MLIP: variants seen among roughly 807,000 people sequenced by gnomAD.
The protein encoded by MLIP is muscular LMNA-interacting protein.
A neutral mutation model predicts 84.8 loss-of-function variants in MLIP; 79 were observed. The ratio of observed to expected loss-of-function variants is 0.93; its 90% CI spans 0.78 to 1.12. The LOEUF is 1.12. Among genes scored for constraint, MLIP ranks in the 50% most tolerant of loss-of-function variants. MLIP has a pLI of 0.00. For missense variants in MLIP, 1,257 were observed against 1,160.6 expected (o/e 1.08, Z -1.21); for synonymous variants, 504 against 463.0 (o/e 1.09, Z -1.14).
chr6:54,214,626 T>A (rs1276757575), intron 11 of MLIP, among the ~76,000 whole-genome samples: 2 of 152,198 alleles, frequency 1.3e-5, no homozygotes, highest in Non-Finnish European at 2.9e-5. Context: ...GAAACCCAGT[T>A]TTTTCTCTGT....
intron 10 of MLIP, among the ~76,000 whole-genome samples, chr6:54,198,302 C>T (rs1361774991): frequency 6.6e-6 from 1 of 152,094 alleles, no homozygotes; most frequent in Non-Finnish European, 1.5e-5. Flanking sequence ...TGCTAGCAGA[C>T]AATGTCTTAA....
At position 54,124,863 on chromosome 6, in the gene MLIP, C is replaced by A. The variant is rs1268119201; in HGVS notation, c.643C>A (p.Gln215Lys). 1.3e-6 allele frequency: 2 copies of A among 1,574,138 alleles called. No homozygotes were observed. Among genetic ancestry groups the A allele is most frequent in the South Asian group, 2.4e-5 (2 of 84,232 alleles). ...HGMAPQQKHG[Q>K]LTSSPTTSEQ... is the part of the protein sequence containing the mutation. ...GATGGCCCCTCAGCAAAAGCATGGG[C>A]AGGTAGGTTTTGTGTTCCTGCTGTC... is the stretch of plus-strand genomic sequence containing the variant. The change falls in exon 3 of 14, where the codon CAG becomes AAG. Residue 215 changes from glutamine to lysine, a missense_variant and splice_region_variant. Coordinates refer to ENST00000502396, the MANE Select transcript of MLIP (RefSeq NM_001281747.2).
rs577781668 is a variant in MLIP, at chr6:54,048,302, GA to G, written c.63+29212del. Among the ~76,000 whole-genome samples the G allele has an allele frequency of 1.7e-3, 263 of 152,340 alleles. 1 individual carries two copies. Among genetic ancestry groups the G allele is most frequent in the African/African-American group, 5.7e-3 (235 of 41,586 alleles). On this transcript the variant is annotated intron_variant, in intron 1 of 12. Coordinates refer to the MLIP transcript ENST00000274897. ...GGATAGAGAAAGGAATGAGTCTCAT[GA>G]GGAGTAAGATGCTGAAATCATTATG...
intron 8 of MLIP, among the ~76,000 whole-genome samples, chr6:54,164,756 T>C (rs1775006983): frequency 6.6e-6 from 1 of 151,956 alleles, no homozygotes; most frequent in Non-Finnish European, 1.5e-5. Context: ...AGAAGGCATT[T>C]GAAATTCATC....
At chr6:54,231,348 G>T (rs1294855904) in intron 12 of MLIP, among the ~76,000 whole-genome samples, 1 of 152,110 alleles carries the variant, frequency 6.6e-6, no homozygotes, top group Non-Finnish European at 1.5e-5. Flanking sequence ...TAGAATTACT[G>T]TGGGTATCTG....
At chr6:54,253,508 A>G (rs1455221692) in intron 12 of MLIP, among the ~76,000 whole-genome samples, 1 of 152,202 alleles carries the variant, frequency 6.6e-6, no homozygotes, top group Non-Finnish European at 1.5e-5. Context: ...ACTCAAAAAG[A>G]GAGAACTGTT....
chr6:54,098,503 G>A (rs1768395587), intron 1 of MLIP, among the ~76,000 whole-genome samples: 1 of 151,718 alleles, frequency 6.6e-6, no homozygotes, highest in South Asian at 2.1e-4. Flanking sequence ...AAGCAGGGAG[G>A]TCACTGGAAA....
intron 1 of MLIP, chr6:54,045,373 T>C (rs988718189): frequency 2.6e-5 from 4 of 151,722 alleles, no homozygotes; most frequent in Admixed American, 2.0e-4. Context: ...TCATGAGGAA[T>C]GGTGATGCAC....
At chr6:54,123,597 T>G (rs905782097) in intron 2 of MLIP, among the ~76,000 whole-genome samples, 1 of 152,220 alleles carries the variant, frequency 6.6e-6, no homozygotes, top group South Asian at 2.1e-4. Context: ...ACACATTAAA[T>G]TGACCACCAG....
intron 1 of MLIP, among the ~76,000 whole-genome samples, chr6:54,089,473 C>T (rs554502451): frequency 3.0e-4 from 46 of 152,142 alleles, no homozygotes; most frequent in African/African-American, 6.0e-4. Context: ...ATATACATTT[C>T]GATTTTGAGC....
chr6:54,072,988 G>C lies in MLIP; in HGVS notation c.64-48459G>C, dbSNP rs181175897. ...AAGCAGTAGATTTGAAATTTCTGTA[G>C]ACTTTTGCCACCCCCTTCCCTCAAC... On this transcript the variant is annotated intron_variant, in intron 1 of 12. Transcript: ENST00000274897. Among the ~76,000 whole-genome samples the C allele has an allele frequency of 2.6e-3, 398 of 152,236 alleles. 2 individuals are homozygous for C. The highest frequency in any genetic ancestry group is 3.5e-3 in the Non-Finnish European group (239 of 68,010).
chr6:54,163,969 T>TC (rs1774918532), intron 8 of MLIP, among the ~76,000 whole-genome samples: 1 of 151,914 alleles, frequency 6.6e-6, no homozygotes, highest in Non-Finnish European at 1.5e-5. Flanking sequence ...TTCAACATTT[T>TC]CCCCCAGGCT....
At chr6:54,256,098 C>T (rs1487781309) in intron 12 of MLIP, among the ~76,000 whole-genome samples, 1 of 152,118 alleles carries the variant, frequency 6.6e-6, no homozygotes. Flanking sequence ...CTATTTAAAG[C>T]AATGGTCTCA....
chr6:54,225,441 CGTT>C (rs1484129200), intron 11 of MLIP, among the ~76,000 whole-genome samples: 1 of 152,090 alleles, frequency 6.6e-6, no homozygotes, highest in African/African-American at 2.4e-5. Context: ...ATATGCAGTT[CGTT>C]GTTGGCTGAA....
At chr6:54,171,052 T>A (rs1448487898) in intron 9 of MLIP, among the ~76,000 whole-genome samples, 1 of 151,590 alleles carries the variant, frequency 6.6e-6, no homozygotes, top group Non-Finnish European at 1.5e-5. Flanking sequence ...AAAATGTCTC[T>A]AATTAGATTA....
chr6:54,054,430 CAAAA>C (rs60998933), intron 1 of MLIP, among the ~76,000 whole-genome samples: 3 of 131,288 alleles, frequency 2.3e-5, no homozygotes, highest in Non-Finnish European at 3.2e-5. Flanking sequence ...GAAAAAAAGG[CAAAA>C]AAAAAAAAAA....
rs759507492 is a variant in MLIP, at chr6:54,169,580, C to A, written c.2544+8C>A. 1.9e-6 allele frequency: 3 copies of A among 1,578,846 alleles called. No homozygotes were observed. Among genetic ancestry groups the A allele is most frequent in the African/African-American group, 2.7e-5 (2 of 73,420 alleles). On this transcript the variant is annotated splice_region_variant and intron_variant, in intron 9 of 13. Coordinates refer to ENST00000502396, the MANE Select transcript of MLIP (RefSeq NM_001281747.2). Reference sequence around the variant, plus strand: ...GGTCGAGAAACCAAATATGTAAGTACCTTTATAATTATACACACTGCTTTT... The same window carrying A: ...GGTCGAGAAACCAAATATGTAAGTAACTTTATAATTATACACACTGCTTTT...
chr6:54,164,072 G>A (rs1774930327), intron 8 of MLIP, among the ~76,000 whole-genome samples: 1 of 151,864 alleles, frequency 6.6e-6, no homozygotes, highest in Non-Finnish European at 1.5e-5. Context: ...TTGCTCTATA[G>A]TTTTTAAAAC....
intron 11 of MLIP, among the ~76,000 whole-genome samples, chr6:54,223,228 T>A (rs1178228639): frequency 1.3e-5 from 2 of 151,968 alleles, no homozygotes; most frequent in South Asian, 2.1e-4. Flanking sequence ...CTGTAGAGAT[T>A]TTTTTAAGTT....
Sources: allele counts gnomAD v4.1 joint callset (sites outside exome capture counted in the v4.1 genomes callset), GRCh38; gene constraint gnomAD v4.1.1; transcripts MANE v1.5; gene names NCBI Gene and HGNC (gene_info 2026-07-23, HGNC 2026-07-21).